The following ATOSA variants were observed in gnomAD, a reference collection of about 807,000 sequenced individuals.
The protein encoded by ATOSA is atos homolog A.
At chr15:52,593,831 A>G in the ATOSA span, 3 of 1,209,844 alleles carry the variant, frequency 2.5e-6, no homozygotes, top group East Asian at 7.8e-5. Flanking sequence ...CTAAAGGCAG[A>G]GAAGTGATTA....
At chr15:52,652,263 G>T in the ATOSA span, among the ~76,000 whole-genome samples, 5 of 152,224 alleles carry the variant, frequency 3.3e-5, no homozygotes, top group African/African-American at 1.2e-4. Context: ...AAGTATTCTA[G>T]CGTTTGCCCC....
the ATOSA span, chr15:52,613,647 CA>C: frequency 6.2e-7 from 1 of 1,605,048 alleles, no homozygotes; most frequent in Non-Finnish European, 8.5e-7. Flanking sequence ...ATAAAAGATA[CA>C]AAGCATTCAA....
At chr15:52,583,543 G>A in the ATOSA span, among the ~76,000 whole-genome samples, 4 of 152,066 alleles carry the variant, frequency 2.6e-5, no homozygotes, top group East Asian at 1.9e-4. Flanking sequence ...CCACCACCAC[G>A]CCTGGCTAAT....
the ATOSA span, among the ~76,000 whole-genome samples, chr15:52,621,775 C>T: frequency 9.2e-5 from 14 of 152,124 alleles, no homozygotes; most frequent in Non-Finnish European, 1.0e-4. Context: ...TCCATCAAAC[C>T]TCTTTTTCTT....
the ATOSA span, chr15:52,610,524 T>C: frequency 1.3e-6 from 1 of 782,682 alleles, no homozygotes; most frequent in Non-Finnish European, 2.0e-6. Flanking sequence ...TTAGCCACTT[T>C]ACCATGCATA....
chr15:52,602,919 T>C, the ATOSA span, among the ~76,000 whole-genome samples: 2 of 152,226 alleles, frequency 1.3e-5, no homozygotes, highest in Non-Finnish European at 2.9e-5. Context: ...AGGTTACACC[T>C]TGGGAATTTT....
the ATOSA span, among the ~76,000 whole-genome samples, chr15:52,666,833 T>C: frequency 6.6e-6 from 1 of 151,860 alleles, no homozygotes; most frequent in African/African-American, 2.4e-5. Flanking sequence ...AAACACAGAA[T>C]ACCAGATTAA....
chr15:52,608,528 A>C, the ATOSA span: 1 of 1,516,418 alleles, frequency 6.6e-7, no homozygotes, highest in Non-Finnish European at 8.8e-7. Context: ...ACCATAACAA[A>C]TATTTGAGAC....
At chr15:52,595,537 A>G in the ATOSA span, among the ~76,000 whole-genome samples, 1 of 150,678 alleles carries the variant, frequency 6.6e-6, no homozygotes, top group Non-Finnish European at 1.5e-5. Context: ...TCAGTGCAGT[A>G]TGACAAGAAA....
the ATOSA span, among the ~76,000 whole-genome samples, chr15:52,692,432 C>A: frequency 2.0e-5 from 3 of 151,738 alleles, no homozygotes; most frequent in African/African-American, 7.3e-5. Context: ...TCCCTGCTTA[C>A]TGCAACCTCT....
At chr15:52,636,170 A>C in the ATOSA span, among the ~76,000 whole-genome samples, 3 of 148,192 alleles carry the variant, frequency 2.0e-5, no homozygotes, top group Non-Finnish European at 4.5e-5. Flanking sequence ...AAAATAAATA[A>C]ATAAATAAAA....
At chr15:52,686,224 T>C in the ATOSA span, among the ~76,000 whole-genome samples, 3 of 152,216 alleles carry the variant, frequency 2.0e-5, no homozygotes, top group African/African-American at 7.2e-5. Flanking sequence ...TTTACATCTT[T>C]TCATCAGAGT....
the ATOSA span, among the ~76,000 whole-genome samples, chr15:52,646,641 G>A: frequency 6.6e-6 from 1 of 151,930 alleles, no homozygotes. Context: ...CTTGAAGTGG[G>A]GGAAAAAAAC....
At chr15:52,624,648 A>T in the ATOSA span, among the ~76,000 whole-genome samples, 1 of 152,188 alleles carries the variant, frequency 6.6e-6, no homozygotes, top group Non-Finnish European at 1.5e-5. Context: ...ATATCAACCT[A>T]TTCATTTCTT....
the ATOSA span, among the ~76,000 whole-genome samples, chr15:52,701,084 A>G: frequency 2.0e-5 from 3 of 152,254 alleles, no homozygotes; most frequent in Non-Finnish European, 2.9e-5. Flanking sequence ...TTCCTATCAC[A>G]TAATTAAAAT....
the ATOSA span, among the ~76,000 whole-genome samples, chr15:52,663,328 C>G: frequency 6.6e-6 from 1 of 152,192 alleles, no homozygotes; most frequent in Non-Finnish European, 1.5e-5. Context: ...TCCCTATGAC[C>G]TTTGATAGTA....
the ATOSA span, among the ~76,000 whole-genome samples, chr15:52,588,919 T>C: frequency 2.0e-5 from 3 of 152,372 alleles, 1 homozygote; most frequent in East Asian, 5.8e-4. Flanking sequence ...AAAACAGCAC[T>C]GTTCTATCAG....
chr15:52,622,828 G>C, the ATOSA span, among the ~76,000 whole-genome samples: 1 of 152,034 alleles, frequency 6.6e-6, no homozygotes, highest in Non-Finnish European at 1.5e-5. Flanking sequence ...AAAGCAGCAA[G>C]AGATGGACGT....
the ATOSA span, among the ~76,000 whole-genome samples, chr15:52,672,137 G>C: frequency 8.3e-5 from 11 of 132,306 alleles, no homozygotes; most frequent in Admixed American, 5.8e-4. Flanking sequence ...AGGAGAATGA[G>C]AACAGTCTGG....
Sources: gnomAD v4.1 joint callset for allele counts (sites outside exome capture counted in the v4.1 genomes callset) on GRCh38, gnomAD v4.1.1 for gene constraint, MANE v1.5 for transcripts, NCBI Gene and HGNC (gene_info 2026-07-23, HGNC 2026-07-21) for gene names.